Variants in CYS1 observed in about 807,000 individuals in gnomAD.
CYS1 encodes the protein cystin-1.
CYS1 carries 5 observed loss-of-function variants against 9.6 expected under a neutral mutation model. The observed-to-expected ratio is 0.52, with a 90% confidence interval of 0.27 to 1.10. The LOEUF is 1.10. Among genes scored for constraint, CYS1 ranks in the 50% least tolerant of loss-of-function variants. The pLI is 0.11. For missense variants in CYS1, 221 were observed against 207.9 expected, an observed-to-expected ratio of 1.06 and a Z score of -0.39; for synonymous variants, 88 against 95.7, an observed-to-expected ratio of 0.92 and a Z score of 0.47.
chr2:10,078,105 CA>C (rs35316392), intron 1 of CYS1, among the ~76,000 whole-genome samples: 88,604 of 135,514 alleles, frequency 0.65, 27,414 homozygotes, highest in East Asian at 0.85. Flanking sequence ...AACTCCGTTT[CA>C]AAAAAAAAAA....
At chr2:10,073,897 A>G (rs1344999170) in intron 1 of CYS1, among the ~76,000 whole-genome samples, 1 of 152,240 alleles carries the variant, frequency 6.6e-6, no homozygotes, top group Non-Finnish European at 1.5e-5. Context: ...ACCGTGATGC[A>G]ACCAGGCTTC....
At chr2:10,075,500 T>C (rs1661830929) in intron 1 of CYS1, among the ~76,000 whole-genome samples, 1 of 152,228 alleles carries the variant, frequency 6.6e-6, no homozygotes, top group South Asian at 2.1e-4. Context: ...ATAGTCACCG[T>C]CTTCAGGACA....
chr2:10,079,582 G>T (rs928236641), intron 1 of CYS1, among the ~76,000 whole-genome samples: 2 of 152,004 alleles, frequency 1.3e-5, no homozygotes, highest in Non-Finnish European at 2.9e-5. Context: ...CACCGCCGGC[G>T]CCCCGCTCCA....
At chr2:10,077,498 T>C (rs1661859637) in intron 1 of CYS1, among the ~76,000 whole-genome samples, 1 of 152,226 alleles carries the variant, frequency 6.6e-6, no homozygotes, top group South Asian at 2.1e-4. Flanking sequence ...TATTAAAGGT[T>C]TCTTTTCCTC....
chr2:10,071,237 G>A (rs1271320139), intron 1 of CYS1, among the ~76,000 whole-genome samples: 1 of 152,232 alleles, frequency 6.6e-6, no homozygotes, highest in African/African-American at 2.4e-5. Flanking sequence ...AAAGTGCGGG[G>A]ATTACAGGCG....
intron 1 of CYS1, among the ~76,000 whole-genome samples, chr2:10,070,767 C>A: frequency 6.6e-6 from 1 of 152,016 alleles, no homozygotes; most frequent in East Asian, 1.9e-4. Context: ...TCTCAGCCTC[C>A]TGAGTAACTG....
chr2:10,069,222 G>A, intron 1 of CYS1, among the ~76,000 whole-genome samples: 1 of 152,142 alleles, frequency 6.6e-6, no homozygotes, highest in East Asian at 1.9e-4. Context: ...AGGTATAAGG[G>A]AAAGCTATTT....
At chr2:10,074,320 GC>G (rs1334580036) in intron 1 of CYS1, among the ~76,000 whole-genome samples, 7 of 152,212 alleles carry the variant, frequency 4.6e-5, no homozygotes, top group Admixed American at 1.3e-4. Context: ...AACTACACAA[GC>G]AGGGAATCTT....
chr2:10,067,979 AC>A (rs1244186260), intron 1 of CYS1, among the ~76,000 whole-genome samples: 1 of 152,150 alleles, frequency 6.6e-6, no homozygotes, highest in East Asian at 1.9e-4. Context: ...TCACATCATG[AC>A]TGAATATGAT....
intron 1 of CYS1, 73 bp downstream of exon 1, chr2:10,079,833 G>GC: frequency 1.0e-6 from 1 of 957,044 alleles, no homozygotes; most frequent in Non-Finnish European, 1.3e-6. Context: ...GGCGCCCAGG[G>GC]CTGGGGCGGG....
Position 10,071,498 on chromosome 2 carries a change from C to G in CYS1, c.319-5542G>C, listed in dbSNP as rs145949568. Among the ~76,000 whole-genome samples the G allele has an allele frequency of 3.2e-4, 48 of 152,358 alleles. 1 individual carries two copies. The East Asian group carries it at 8.9e-3, about 28-fold the overall frequency. ...GCCATCCAGTGCGTGAACGGCCCCCCAGAGCGGACGCAGGAGGAAGCAATT... is the reference window on the plus strand; with the variant it reads ...GCCATCCAGTGCGTGAACGGCCCCCGAGAGCGGACGCAGGAGGAAGCAATT... On this transcript the variant is annotated intron_variant, in intron 1 of 2. Coordinates refer to ENST00000381813, the MANE Select transcript of CYS1 (RefSeq NM_001037160.3).
intron 1 of CYS1, among the ~76,000 whole-genome samples, chr2:10,071,016 G>T (rs1661760485): frequency 6.6e-6 from 1 of 151,954 alleles, no homozygotes; most frequent in East Asian, 1.9e-4. Flanking sequence ...ATCCAGGCTG[G>T]AGTGCAGTGG....
chr2:10,072,178 G>A (rs1661776744), intron 1 of CYS1, among the ~76,000 whole-genome samples: 1 of 152,084 alleles, frequency 6.6e-6, no homozygotes, highest in African/African-American at 2.4e-5. Flanking sequence ...CTGCTCCTGG[G>A]TTCAAGTGAT....
At chr2:10,070,844 A>G (rs1355714013) in intron 1 of CYS1, among the ~76,000 whole-genome samples, 1 of 151,766 alleles carries the variant, frequency 6.6e-6, no homozygotes, top group African/African-American at 2.4e-5. Flanking sequence ...AAGTCTCCCT[A>G]TGTTGCCCAG....
rs770263508 is a variant in CYS1 at position 10,063,156 on chromosome 2, GCGT to G, written c.371+2745_371+2747del. Among the ~76,000 whole-genome samples the G allele has an allele frequency of 4.6e-5, 7 of 152,228 alleles. No individual in the cohort carries two copies. The highest frequency in any genetic ancestry group is 1.0e-4 in the Non-Finnish European group (7 of 68,046). ...TGACATTAAACAATCCTGTCAATAA[GCGT>G]CTATGAAATGCTACCATGTGCCTGG... is the stretch of plus-strand genomic sequence containing the variant. On this transcript the variant is annotated intron_variant, in intron 2 of 2. Coordinates refer to ENST00000381813, the MANE Select transcript of CYS1 (RefSeq NM_001037160.3). This position sits in a 1 kb window ranked among gnomAD's most constrained non-coding sequence, Gnocchi z 4.2.
In CYS1 at chr2:10,063,888, T is replaced by G. The variant is rs1572455120; in HGVS notation, c.371+2016A>C. On this transcript the variant is annotated intron_variant, in intron 2 of 2. Transcript: ENST00000381813. The surrounding 1 kb of genome is among the most constrained non-coding windows in gnomAD (Gnocchi z 4.2). Reference sequence around the variant, plus strand: ...GGGCTGACAGAGCCCTGGGCACTCCTACGCCTAGGGCAGCACTCAGGGAGG... The same window carrying G: ...GGGCTGACAGAGCCCTGGGCACTCCGACGCCTAGGGCAGCACTCAGGGAGG... Among the ~76,000 whole-genome samples the G allele has an allele frequency of 6.6e-6, 1 of 152,218 alleles. No individual in the cohort carries two copies. Among genetic ancestry groups the G allele is most frequent in the African/African-American group, 2.4e-5 (1 of 41,460 alleles).
chr2:10,066,107 C>T (rs1661691512), intron 1 of CYS1, 151 bp from the exon 2 acceptor site: 3 of 805,198 alleles, frequency 3.7e-6, no homozygotes, highest in Non-Finnish European at 6.1e-6. Flanking sequence ...TGTCAAGTTC[C>T]ATCCACTCAT....
At chr2:10,068,378 T>C (rs1051281328) in intron 1 of CYS1, among the ~76,000 whole-genome samples, 4 of 152,248 alleles carry the variant, frequency 2.6e-5, no homozygotes, top group African/African-American at 9.6e-5. Context: ...TTTTTTGTCA[T>C]TGGCAGCTTG....
intron 2 of CYS1, among the ~76,000 whole-genome samples, chr2:10,060,492 G>A (rs1380816848): frequency 4.6e-5 from 7 of 152,158 alleles, no homozygotes; most frequent in Admixed American, 4.6e-4. Flanking sequence ...GCCTCCAGGC[G>A]TCCAGGGGAC....
Sources: allele counts gnomAD v4.1 joint callset (sites outside exome capture counted in the v4.1 genomes callset), GRCh38; gene constraint gnomAD v4.1.1; non-coding constraint Gnocchi (gnomAD v3.1); transcripts MANE v1.5; gene names NCBI Gene and HGNC (gene_info 2026-07-23, HGNC 2026-07-21).